Variants in ZMIZ1 observed in about 807,000 individuals in gnomAD.
The protein encoded by ZMIZ1 is zinc finger MIZ domain-containing protein 1.
In ZMIZ1, 17 loss-of-function variants were observed where a neutral mutation model predicts 113.9. That is an observed-to-expected ratio of 0.15 (90% CI 0.10 to 0.22). The LOEUF is 0.22. Among genes scored for constraint, ZMIZ1 ranks in the 10% least tolerant of loss-of-function variants. The pLI is 1.00. For synonymous variants in ZMIZ1, 607 were observed against 603.1 expected (o/e 1.01, Z -0.09); for missense variants, 1,059 against 1,477.8 (o/e 0.72, Z 4.65).
intron 1 of ZMIZ1, among the ~76,000 whole-genome samples, chr10:79,107,473 T>C (rs1166857259): frequency 6.6e-6 from 1 of 152,160 alleles, no homozygotes; most frequent in Non-Finnish European, 1.5e-5. Context: ...GGCCCGCCAG[T>C]GGTGTTCACA....
intron 18 of ZMIZ1, 86 bp from the exon 19 acceptor site, chr10:79,303,921 CCAGCTGCA>C (rs1221204150): frequency 1.4e-5 from 21 of 1,532,692 alleles, no homozygotes; most frequent in Non-Finnish European, 1.8e-5. Context: ...AGGACATGCC[CCAGCTGCA>C]CGAGGAAGTG....
chr10:79,245,708 C>T (rs1850150076), intron 7 of ZMIZ1, among the ~76,000 whole-genome samples: 1 of 152,138 alleles, frequency 6.6e-6, no homozygotes, highest in African/African-American at 2.4e-5. Flanking sequence ...CTGAATGTTG[C>T]CCCAGGGAGT....
At chr10:79,089,117 G>A (rs1359017610) in intron 1 of ZMIZ1, among the ~76,000 whole-genome samples, 3 of 152,240 alleles carry the variant, frequency 2.0e-5, no homozygotes, top group South Asian at 2.1e-4. Context: ...ACAGGACAGC[G>A]CTGAGCAGGT....
intron 7 of ZMIZ1, among the ~76,000 whole-genome samples, chr10:79,231,563 T>G (rs1460906765): frequency 6.8e-6 from 1 of 147,262 alleles, no homozygotes; most frequent in South Asian, 2.2e-4. Context: ...TGGTGGGGGG[T>G]TTTGTTTGTT....
At chr10:79,215,491 G>T (rs758424985) in intron 6 of ZMIZ1, among the ~76,000 whole-genome samples, 4 of 152,080 alleles carry the variant, frequency 2.6e-5, no homozygotes. Context: ...GAGAGACGGG[G>T]TTTCACCATG....
intron 1 of ZMIZ1, among the ~76,000 whole-genome samples, chr10:79,100,003 C>T (rs1198338456): frequency 1.3e-5 from 2 of 152,058 alleles, no homozygotes; most frequent in Non-Finnish European, 2.9e-5. Context: ...TCCTCATGCC[C>T]ACCTGACCTG....
chr10:79,165,970 G>GTCTGGGCTCTTCCTGCAGCTCAGCTGTT (rs1400893267), intron 4 of ZMIZ1, among the ~76,000 whole-genome samples: 1 of 148,190 alleles, frequency 6.7e-6, no homozygotes, highest in Admixed American at 6.6e-5. Flanking sequence ...GTGTGTGTGT[G>GTCTGGGCTCTTCCTGCAGCTCAGCTGTT]TGTGTGTGTG....
chr10:79,160,240 G>T (rs1408800930), intron 3 of ZMIZ1, among the ~76,000 whole-genome samples: 1 of 152,192 alleles, frequency 6.6e-6, no homozygotes, highest in South Asian at 2.1e-4. Flanking sequence ...CCCCAAAACT[G>T]TTTGTATTTC....
chr10:79,259,971 G>A lies in ZMIZ1; in HGVS notation c.281-17210G>A, dbSNP rs575234577. 4.6e-5 allele frequency among the ~76,000 whole-genome samples: 7 copies of A among 152,222 alleles called. No homozygotes were observed. In the South Asian group the frequency reaches 1.0e-3, roughly 23 times the overall value. On this transcript the variant is annotated intron_variant, in intron 7 of 24. Coordinates refer to ENST00000334512, the MANE Select transcript of ZMIZ1 (RefSeq NM_020338.4). ...TGCTCCCCCTCTCTCCACTCCCCTC[G>A]ACTTTTTGTTGGTCTGTGGTGTGAG... is the stretch of plus-strand genomic sequence containing the variant.
intron 11 of ZMIZ1, chr10:79,292,654 C>T (rs1345395914): frequency 4.0e-6 from 2 of 498,578 alleles, no homozygotes; most frequent in Non-Finnish European, 7.6e-6. Flanking sequence ...TTCTACATGG[C>T]TCTCTGGGCC....
In ZMIZ1 at chr10:79,304,294, G is replaced by C. The variant is rs144152913; in HGVS notation, c.2286+119G>C. ...ACACTGTCCTGAAGGACGTCATGGA[G>C]ATCAGCAGCTGGCGTCACTCATTAA... is the stretch of plus-strand genomic sequence containing the variant. On this transcript the variant is annotated intron_variant, in intron 19 of 24. Coordinates refer to ENST00000334512, the MANE Select transcript of ZMIZ1 (RefSeq NM_020338.4). The C allele has an allele frequency of 6.9e-5, 90 of 1,306,386 alleles. No individual in the cohort carries two copies. In the African/African-American group the frequency reaches 1.1e-3, roughly 16 times the overall value. The allele number at this position is 1,306,386 out of a possible 1,614,324, so 80.9% of individuals were successfully genotyped here.
rs761561286 is a variant in ZMIZ1, at chr10:79,292,384, G to A, written c.957+28G>A. On this transcript the variant is annotated intron_variant, in intron 11 of 24. Transcript: ENST00000334512. Reference sequence around the variant, plus strand: ...AAGGGTTCCCACTAATCCTGGTCCAGCCTTGCCCAGCCAGCCAGGCAGACA... The same window carrying A: ...AAGGGTTCCCACTAATCCTGGTCCAACCTTGCCCAGCCAGCCAGGCAGACA... 5 of 1,586,576 alleles carry A rather than the reference G, an allele frequency of 3.2e-6. No homozygotes were observed. The African/African-American group carries it at 5.4e-5, about 17-fold the overall frequency.
chr10:79,303,863 T>A (rs1854505873), intron 18 of ZMIZ1, 152 bp from the exon 19 acceptor site: 1 of 1,129,460 alleles, frequency 8.9e-7, no homozygotes, highest in Non-Finnish European at 1.3e-6. Context: ...TGCCACACAG[T>A]GCCACACACT....
At chr10:79,303,959 CT>C in intron 18 of ZMIZ1, 55 bp from the exon 19 acceptor site, 1 of 1,607,536 alleles carries the variant, frequency 6.2e-7, no homozygotes, top group Non-Finnish European at 8.5e-7. Flanking sequence ...TGCAGACCCC[CT>C]ACCTCTGCAG....
chr10:79,263,845 A>G (rs1851414575), intron 7 of ZMIZ1, among the ~76,000 whole-genome samples: 1 of 152,070 alleles, frequency 6.6e-6, no homozygotes, highest in South Asian at 2.1e-4. Flanking sequence ...TTTTGACCCT[A>G]GGGAAGGCCC....
chr10:79,255,776 C>A (rs898686171), intron 7 of ZMIZ1, among the ~76,000 whole-genome samples: 1 of 152,194 alleles, frequency 6.6e-6, no homozygotes, highest in African/African-American at 2.4e-5. Flanking sequence ...CCTCCCCACC[C>A]CTGCACTTTT....
At chr10:79,305,731 A>C (rs940508951) in intron 21 of ZMIZ1, 130 bp downstream of exon 21, 1 of 950,146 alleles carries the variant, frequency 1.1e-6, no homozygotes, top group Non-Finnish European at 1.6e-6. Flanking sequence ...CACATCCCCC[A>C]CCTCTCTGTC....
chr10:79,215,659 T>G (rs948004648), intron 6 of ZMIZ1, among the ~76,000 whole-genome samples: 15 of 151,640 alleles, frequency 9.9e-5, no homozygotes, highest in African/African-American at 3.6e-4. Flanking sequence ...GGCCTAAGAG[T>G]CTGCATTTGT....
intron 1 of ZMIZ1, among the ~76,000 whole-genome samples, chr10:79,097,880 A>G (rs1478483574): frequency 6.6e-6 from 1 of 152,206 alleles, no homozygotes; most frequent in African/African-American, 2.4e-5. Context: ...GAGAGGCCTC[A>G]GCAGCACTGG....
Sources: allele counts gnomAD v4.1 joint callset (sites outside exome capture counted in the v4.1 genomes callset), GRCh38; gene constraint gnomAD v4.1.1; transcripts MANE v1.5; gene names NCBI Gene and HGNC (gene_info 2026-07-23, HGNC 2026-07-21).